DAB1: variants seen among roughly 807,000 people sequenced by gnomAD.
DAB1 encodes DAB adaptor protein 1, also known as disabled homolog 1.
In DAB1, 15 loss-of-function variants were observed where a neutral mutation model predicts 64.6. The ratio of observed to expected loss-of-function variants is 0.23; its 90% CI spans 0.16 to 0.36. DAB1 has a LOEUF of 0.36. Among genes scored for constraint, DAB1 ranks in the 10% least tolerant of loss-of-function variants. The pLI is 1.00. For missense variants in DAB1, 596 were observed against 706.7 expected, an observed-to-expected ratio of 0.84 and a Z score of 1.78; for synonymous variants, 235 against 251.9, an observed-to-expected ratio of 0.93 and a Z score of 0.64.
chr1:58,003,858 T>C (rs1646541981), intron 5 of DAB1, among the ~76,000 whole-genome samples: 1 of 152,238 alleles, frequency 6.6e-6, no homozygotes, highest in African/African-American at 2.4e-5. Context: ...TTGCTCTGCC[T>C]GGTTCTAAGT....
chr1:58,480,087 T>C (rs1159769377), intron 3 of DAB1, among the ~76,000 whole-genome samples: 1 of 152,204 alleles, frequency 6.6e-6, no homozygotes, highest in Non-Finnish European at 1.5e-5. Context: ...TCCACATTTA[T>C]ATAATGCAGC....
At chr1:58,123,268 T>C (rs1480255644) in intron 5 of DAB1, among the ~76,000 whole-genome samples, 1 of 152,094 alleles carries the variant, frequency 6.6e-6, no homozygotes, top group African/African-American at 2.4e-5. Flanking sequence ...AAGATTAGGA[T>C]GTGTCAAAAC....
chr1:58,303,468 T>G lies in DAB1; in HGVS notation n.309+39884A>C, dbSNP rs544490187. On this transcript the variant is annotated intron_variant and non_coding_transcript_variant, in intron 4 of 20. Coordinates refer to the DAB1 transcript ENST00000485760. Reference sequence around the variant, plus strand: ...CAGAACAGGTAAGAAAAACCAGGACTTATCCTAAAGAAAGTAGCAAAGAAA... The same window carrying G: ...CAGAACAGGTAAGAAAAACCAGGACGTATCCTAAAGAAAGTAGCAAAGAAA... Among the ~76,000 whole-genome samples the G allele has an allele frequency of 1.3e-5, 2 of 152,250 alleles. 1 individual carries two copies. Among genetic ancestry groups the G allele is most frequent in the South Asian group, 4.1e-4 (2 of 4,822 alleles).
chr1:57,971,979 A>T (rs922693025), intron 5 of DAB1, among the ~76,000 whole-genome samples: 1 of 152,218 alleles, frequency 6.6e-6, no homozygotes, highest in Non-Finnish European at 1.5e-5. Flanking sequence ...GACTTATTTC[A>T]AATTGTCATA....
chr1:57,410,764 T>G (rs1242660438), intron 1 of DAB1, among the ~76,000 whole-genome samples: 2 of 152,060 alleles, frequency 1.3e-5, no homozygotes, highest in Non-Finnish European at 2.9e-5. Flanking sequence ...AATATCAGAG[T>G]GGTATCAGGT....
At chr1:58,513,943 C>G (rs188468101) in intron 2 of DAB1, among the ~76,000 whole-genome samples, 2 of 152,206 alleles carry the variant, frequency 1.3e-5, no homozygotes, top group Admixed American at 1.3e-4. Flanking sequence ...AGAGTTTTTG[C>G]CCCTGGGTCA....
chr1:58,478,092 T>A (rs761053028), intron 3 of DAB1, among the ~76,000 whole-genome samples: 1 of 152,142 alleles, frequency 6.6e-6, no homozygotes, highest in African/African-American at 2.4e-5. Flanking sequence ...GTAATCCCCA[T>A]GTGACAAGAA....
intron 7 of DAB1, among the ~76,000 whole-genome samples, chr1:57,635,255 C>G (rs572896070): frequency 6.6e-6 from 1 of 152,194 alleles, no homozygotes; most frequent in South Asian, 2.1e-4. Flanking sequence ...AAGGGCAGTA[C>G]TCTAATCCAG....
At chr1:57,556,468 C>T (rs1332132966) in intron 7 of DAB1, among the ~76,000 whole-genome samples, 3 of 151,850 alleles carry the variant, frequency 2.0e-5, no homozygotes, top group African/African-American at 7.3e-5. Context: ...TTATTATGGC[C>T]ATTCTTGTAG....
chr1:57,574,416 G>T (rs979994311), intron 7 of DAB1, among the ~76,000 whole-genome samples: 1 of 152,146 alleles, frequency 6.6e-6, no homozygotes, highest in African/African-American at 2.4e-5. Context: ...TTTCCACTTT[G>T]TGCCAAGAAC....
In DAB1 at chr1:57,026,020, A is replaced by C; in HGVS notation, c.747T>G (p.Phe249Leu). The C allele has an allele frequency of 6.3e-7, 1 of 1,596,690 alleles. No homozygotes were observed. Among genetic ancestry groups the C allele is most frequent in the East Asian group, 2.3e-5 (1 of 43,776 alleles). ...PVSAVTQLEL[F>L]GDMSTPPDIT... is the part of the protein sequence containing the mutation. ...TATCAGGGGGTGTGGACATGTCCCC[A>C]AAAAGTTCTAATTGGGTCACAGCCT... is the stretch of plus-strand genomic sequence containing the variant. Residue 249 changes from phenylalanine to leucine, a missense_variant, in exon 10 of 15, where the codon TTT (phenylalanine) becomes TTG (leucine). Phe to Leu is a conservative substitution (Grantham distance 22). This residue lies in a region of DAB1 where 176 missense variants were observed against 266.7 expected (regional missense o/e 0.66). Coordinates refer to ENST00000371236, the MANE Select transcript of DAB1 (RefSeq NM_001365792.1).
rs183800882 is a variant in DAB1 at position 57,866,658 on chromosome 1, A to T, written n.87+17341T>A. On this transcript the variant is annotated intron_variant and non_coding_transcript_variant, in intron 1 of 1. Coordinates refer to the DAB1 transcript ENST00000477280. ...GACTGTAAATGGGGATGATTCGGGCATGCCTTACAGAGCTCTTATGAGGGC... is the reference window on the plus strand; with the variant it reads ...GACTGTAAATGGGGATGATTCGGGCTTGCCTTACAGAGCTCTTATGAGGGC... Among the ~76,000 whole-genome samples, 345 of 152,300 alleles carry T rather than the reference A, an allele frequency of 2.3e-3. 1 individual carries two copies. Among genetic ancestry groups the T allele is most frequent in the African/African-American group, 8.1e-3 (336 of 41,576 alleles).
intron 4 of DAB1, among the ~76,000 whole-genome samples, chr1:58,201,543 A>C (rs1180550021): frequency 1.3e-5 from 2 of 152,226 alleles, no homozygotes; most frequent in Non-Finnish European, 2.9e-5. Flanking sequence ...ACAAATGTAC[A>C]CTTAAAAGTA....
chr1:57,553,444 GAAAGAAAGAAAGAA>G (rs1294516147), intron 7 of DAB1, among the ~76,000 whole-genome samples: 80 of 89,100 alleles, frequency 9.0e-4, no homozygotes, highest in African/African-American at 3.4e-3. Context: ...GAAAGAAAGA[GAAAGAAAGAAAGAA>G]AGAGAAAGGG....
At chr1:57,662,795 T>C (rs899997030) in intron 6 of DAB1, among the ~76,000 whole-genome samples, 1 of 152,190 alleles carries the variant, frequency 6.6e-6, no homozygotes, top group Non-Finnish European at 1.5e-5. Flanking sequence ...ACATGGTATG[T>C]GGACAGATCA....
chr1:57,890,456 C>CT (rs71246207), intron 5 of DAB1, among the ~76,000 whole-genome samples: 43,119 of 136,576 alleles, frequency 0.32, 7,120 homozygotes, highest in African/African-American at 0.43. Context: ...CTTTTCTTTT[C>CT]TTTTTTTTTT....
chr1:58,448,613 G>A lies in DAB1; in HGVS notation n.257+57447C>T, dbSNP rs149761921. Among the ~76,000 whole-genome samples, 185 of 152,292 alleles carry A rather than the reference G, an allele frequency of 1.2e-3. 1 individual carries two copies. Among genetic ancestry groups the A allele is most frequent in the African/African-American group, 4.3e-3 (177 of 41,572 alleles). On this transcript the variant is annotated intron_variant and non_coding_transcript_variant, in intron 3 of 20. Transcript: ENST00000485760. Reference sequence around the variant, plus strand: ...GCAGGTGAAGGAGCTCCAATTATAGGAGGAAACAAAAGGCTAGGAGCAGCA... The same window carrying A: ...GCAGGTGAAGGAGCTCCAATTATAGAAGGAAACAAAAGGCTAGGAGCAGCA...
chr1:57,467,581 T>C (rs1686992659), intron 7 of DAB1, among the ~76,000 whole-genome samples: 2 of 152,302 alleles, frequency 1.3e-5, no homozygotes, highest in South Asian at 4.2e-4. Flanking sequence ...CTTCCCACTT[T>C]CAAATGGACA....
At chr1:57,640,060 G>C (rs916686597) in intron 7 of DAB1, among the ~76,000 whole-genome samples, 1 of 152,144 alleles carries the variant, frequency 6.6e-6, no homozygotes, top group East Asian at 1.9e-4. Flanking sequence ...AGCATGGCAC[G>C]AGAGGAAGTA....
Sources: allele counts gnomAD v4.1 joint callset (sites outside exome capture counted in the v4.1 genomes callset), GRCh38; gene constraint gnomAD v4.1.1; regional missense constraint gnomAD v4.1.1; transcripts MANE v1.5; gene names NCBI Gene and HGNC (gene_info 2026-07-23, HGNC 2026-07-21).